TRIP10: variants seen among roughly 807,000 people sequenced by gnomAD.
The protein encoded by TRIP10 is thyroid hormone receptor interactor 10.
A neutral mutation model predicts 80.9 loss-of-function variants in TRIP10; 54 were observed. The ratio of observed to expected loss-of-function variants is 0.67; its 90% CI spans 0.54 to 0.84. The LOEUF is 0.84. Ranked by LOEUF, TRIP10 falls within the 40% of genes least tolerant of loss-of-function variation. The pLI, the probability that TRIP10 is intolerant of heterozygous loss-of-function variation, is 0.00. For missense variants in TRIP10, 773 were observed against 815.3 expected, an observed-to-expected ratio of 0.95 and a Z score of 0.63; for synonymous variants, 321 against 307.2, an observed-to-expected ratio of 1.04 and a Z score of -0.47.
Position 6,750,375 on chromosome 19 carries a change from C to G in TRIP10, c.1479C>G (p.Pro493=), listed in dbSNP as rs75725110. The G allele has an allele frequency of 1.3e-4, 205 of 1,614,012 alleles. 1 individual carries two copies. In the East Asian group the frequency reaches 2.5e-3, roughly 19 times the overall value. The change falls in exon 13 of 15, where the codon CCC becomes CCG. Residue 493 remains proline, a synonymous_variant. Transcript: ENST00000313244. ...LSRHARPPDP[P]ASAPPDSSSN... ...GGCACGCCCGGCCTCCCGACCCCCC[C>G]GCTAGCGCCCCGCCAGACAGCAGCA...
rs3841541 is a variant in TRIP10 at position 6,745,148 on chromosome 19, G to GGCAGT, written c.984+154_984+155insGCAGT. On this transcript the variant is annotated intron_variant, in intron 9 of 14. Transcript: ENST00000313244. This position sits in a 1 kb window ranked among gnomAD's most constrained non-coding sequence, Gnocchi z 7.2. ...GCCCGGACTGGAGGGAAGGAAGGCG[G>GGCAGT]CCGATTGGCCTGGGAGTCCCCCGAG... is the stretch of plus-strand genomic sequence containing the variant. 4.4e-4 allele frequency: 501 copies of GGCAGT among 1,128,438 alleles called. No homozygotes were observed. The African/African-American group carries it at 7.3e-3, about 17-fold the overall frequency. The allele number at this position is 1,128,438 out of a possible 1,614,324, so 69.9% of individuals were successfully genotyped here.
chr19:6,745,136 G>GC lies in TRIP10; in HGVS notation c.984+142_984+143insC. The GC allele has an allele frequency of 2.5e-6, 3 of 1,195,784 alleles. No homozygotes were observed. In the East Asian group the frequency reaches 8.0e-5, roughly 32 times the overall value. The allele number at this position is 1,195,784 out of a possible 1,614,324, so 74.1% of individuals were successfully genotyped here. A position where few individuals can be genotyped will look rare whatever the true frequency, so the allele number is the denominator to read the frequency against. On this transcript the variant is annotated intron_variant, in intron 9 of 14. Coordinates refer to ENST00000313244, the MANE Select transcript of TRIP10 (RefSeq NM_001288962.2). The surrounding 1 kb of genome is among the most constrained non-coding windows in gnomAD (Gnocchi z 7.2). Reference sequence around the variant, plus strand: ...TCTTGGCTGCCAGCCCGGACTGGAGGGAAGGAAGGCGGCCGATTGGCCTGG... The same window carrying GC: ...TCTTGGCTGCCAGCCCGGACTGGAGGCGAAGGAAGGCGGCCGATTGGCCTGG...
intron 14 of TRIP10, 60 bp downstream of exon 14, chr19:6,750,693 A>G: frequency 6.3e-7 from 1 of 1,599,358 alleles, no homozygotes; most frequent in South Asian, 1.1e-5. Context: ...GGCTAGGTTC[A>G]GTTTAAATTC....
chr19:6,750,079 C>T lies in TRIP10; in HGVS notation c.1395+13C>T, dbSNP rs924772145. Reference sequence around the variant, plus strand: ...GCAGAAGTATGAGGTCAGGAAAGACCCTGGGGAGGGGCGGGAGCCAGCGGG... The same window carrying T: ...GCAGAAGTATGAGGTCAGGAAAGACTCTGGGGAGGGGCGGGAGCCAGCGGG... On this transcript the variant is annotated intron_variant, in intron 12 of 14. Transcript: ENST00000313244. The T allele has an allele frequency of 6.4e-7, 1 of 1,554,228 alleles. No homozygotes were observed. The highest frequency in any genetic ancestry group is 1.7e-5 in the Admixed American group (1 of 57,930).
chr19:6,745,906 CT>C lies in TRIP10; in HGVS notation c.985-116del. The C allele has an allele frequency of 1.3e-5, 16 of 1,258,160 alleles. No homozygotes were observed. Among genetic ancestry groups the C allele is most frequent in the South Asian group, 1.2e-4 (4 of 32,406 alleles). The allele number at this position is 1,258,160 out of a possible 1,614,324, so 77.9% of individuals were successfully genotyped here. A position where few individuals can be genotyped will look rare whatever the true frequency, so the allele number is the denominator to read the frequency against. On this transcript the variant is annotated intron_variant, in intron 9 of 14. Transcript: ENST00000313244. This position sits in a 1 kb window ranked among gnomAD's most constrained non-coding sequence, Gnocchi z 7.2. The stretch of plus-strand genomic sequence containing the variant: ...TTCTCCATTTTGTTTTTCCTTTTTC[CT>C]TTTTTTGCGTCCATCCGTCCATCCG...
rs780009125 is a variant in TRIP10, at chr19:6,743,513, G to C, written c.428G>C (p.Arg143Pro). The C allele has an allele frequency of 6.2e-7, 1 of 1,613,696 alleles. No homozygotes were observed. Among genetic ancestry groups the C allele is most frequent in the South Asian group, 1.1e-5 (1 of 91,062 alleles). Residue 143 changes from arginine (R) to proline (P), a missense_variant, in exon 6 of 15, where the codon CGG (arginine) becomes CCG (proline). By Grantham distance (103) the Arg-to-Pro change is moderately radical. Coordinates refer to ENST00000313244, the MANE Select transcript of TRIP10 (RefSeq NM_001288962.2). ...QLENSKRKFE[R>P]DCREAEKAAQ... Reference sequence around the variant, plus strand: ...ACACAGAGTAAGCGTAAATTTGAGCGGGACTGCCGGGAGGCAGAGAAGGCA... The same window carrying C: ...ACACAGAGTAAGCGTAAATTTGAGCCGGACTGCCGGGAGGCAGAGAAGGCA...
At position 6,750,326 on chromosome 19, in the gene TRIP10, G is replaced by A; in HGVS notation, c.1430G>A (p.Ser477Asn). 1 of 1,614,066 alleles carries A rather than the reference G, an allele frequency of 6.2e-7. No individual in the cohort carries two copies. The highest frequency in any genetic ancestry group is 8.5e-7 in the Non-Finnish European group (1 of 1,180,012). Residue 477 changes from serine (S) to asparagine (N), a missense_variant, in exon 13 of 15, where the codon AGC (serine) becomes AAC (asparagine). Ser to Asn is a conservative substitution (Grantham distance 46). Coordinates refer to ENST00000313244, the MANE Select transcript of TRIP10 (RefSeq NM_001288962.2). ...GCAGAAGCTGAAAGTCGAGTCCTTAGCAACCGGGGAGACAGCCTGAGCCGG... is the reference window on the plus strand; with the variant it reads ...GCAGAAGCTGAAAGTCGAGTCCTTAACAACCGGGGAGACAGCCTGAGCCGG... Reference protein sequence around the residue: ...WLAEAESRVLSNRGDSLSRHA... With the variant: ...WLAEAESRVLNNRGDSLSRHA...
chr19:6,751,141 C>G lies in TRIP10; in HGVS notation c.1736C>G (p.Thr579Ser), dbSNP rs769541141. 1.2e-6 allele frequency: 2 copies of G among 1,613,016 alleles called. No homozygotes were observed. The highest frequency in any genetic ancestry group is 4.5e-5 in the East Asian group (2 of 44,794). The change falls in exon 15 of 15, where the codon ACC becomes AGC. Residue 579 changes from threonine to serine, a missense_variant. Coordinates refer to ENST00000313244, the MANE Select transcript of TRIP10 (RefSeq NM_001288962.2). ...LMEEDKGDGWTRVRRKEGGEG... is the reference protein window; with the variant it reads ...LMEEDKGDGWSRVRRKEGGEG... ...GAAGAAGACAAAGGGGACGGCTGGA[C>G]CCGGGTCAGGCGGAAAGAGGGAGGC...
In TRIP10 at chr19:6,744,734, G is replaced by A. The variant is rs768997817; in HGVS notation, c.789+34G>A. 6.3e-7 allele frequency: 1 copy of A among 1,591,534 alleles called. No homozygotes were observed. The highest frequency in any genetic ancestry group is 8.6e-7 in the Non-Finnish European group (1 of 1,167,632). ...CTGGTCTGGGTCCACTGGGCTACGGGAAGGGCAGAGGGAGGTACCCATAGG... is the reference window on the plus strand; with the variant it reads ...CTGGTCTGGGTCCACTGGGCTACGGAAAGGGCAGAGGGAGGTACCCATAGG... On this transcript the variant is annotated intron_variant, in intron 8 of 14. Coordinates refer to ENST00000313244, the MANE Select transcript of TRIP10 (RefSeq NM_001288962.2). This position sits in a 1 kb window ranked among gnomAD's most constrained non-coding sequence, Gnocchi z 4.9.
chr19:6,747,249 G>A (rs1195289415), intron 11 of TRIP10, among the ~76,000 whole-genome samples: 2 of 152,124 alleles, frequency 1.3e-5, no homozygotes, highest in Admixed American at 6.5e-5. Context: ...GCTTAAGCCT[G>A]GGAAATGGAG....
intron 1 of TRIP10, among the ~76,000 whole-genome samples, chr19:6,740,312 T>TC (rs371796499): frequency 6.0e-4 from 91 of 152,064 alleles, no homozygotes; most frequent in African/African-American, 2.0e-3. Context: ...CTCCCTGGCT[T>TC]CCCCCTGCTC....
At position 6,749,976 on chromosome 19, in the gene TRIP10, T is replaced by G. The variant is rs1454886165; in HGVS notation, c.1305T>G (p.Pro435=). The G allele has an allele frequency of 6.2e-7, 1 of 1,613,950 alleles. No individual in the cohort carries two copies. The highest frequency in any genetic ancestry group is 1.7e-5 in the Admixed American group (1 of 59,998). ...TGAAGGATGTCTATGAGAAGACACC[T>G]CAGATGGGGGACCCCGCCAGCTTGG... ...KKMKDVYEKT[P]QMGDPASLEP... Residue 435 remains proline, a synonymous_variant, in exon 12 of 15, where the codon CCT becomes CCG. Transcript: ENST00000313244.
At position 6,746,000 on chromosome 19, in the gene TRIP10, C is replaced by A; in HGVS notation, c.985-29C>A. The A allele has an allele frequency of 3.2e-6, 3 of 951,924 alleles. No individual in the cohort carries two copies. Among genetic ancestry groups the A allele is most frequent in the Non-Finnish European group, 4.1e-6 (3 of 740,616 alleles). The allele number at this position is 951,924 out of a possible 1,614,324, so 59.0% of individuals were successfully genotyped here. A position where few individuals can be genotyped will look rare whatever the true frequency, so the allele number is the denominator to read the frequency against. On this transcript the variant is annotated intron_variant, in intron 9 of 14. Coordinates refer to ENST00000313244, the MANE Select transcript of TRIP10 (RefSeq NM_001288962.2). The surrounding 1 kb of genome is among the most constrained non-coding windows in gnomAD (Gnocchi z 7.2). ...TCCTATGCCCCCCCACCCCTTCAAC[C>A]TATCCCCCTCCCCGGCCCCCGCCGG...
At chr19:6,741,960 G>A (rs1248984222) in intron 3 of TRIP10, among the ~76,000 whole-genome samples, 6 of 151,956 alleles carry the variant, frequency 3.9e-5, no homozygotes, top group Non-Finnish European at 8.8e-5. Flanking sequence ...TGGGATTACA[G>A]TCACCTGCCA....
chr19:6,749,928 T>C lies in TRIP10; in HGVS notation c.1263-6T>C. ...TTTCCTGTCTATCCTGTCTCCCTTG[T>C]CATAGGGAAGCCCTAAAGAAAATGA... On this transcript the variant is annotated splice_region_variant and splice_polypyrimidine_tract_variant and intron_variant, in intron 11 of 14. Coordinates refer to ENST00000313244, the MANE Select transcript of TRIP10 (RefSeq NM_001288962.2). The C allele has an allele frequency of 1.2e-6, 2 of 1,613,214 alleles. No individual in the cohort carries two copies. Among genetic ancestry groups the C allele is most frequent in the South Asian group, 2.2e-5 (2 of 91,002 alleles).
At position 6,744,432 on chromosome 19, in the gene TRIP10, C is replaced by T; in HGVS notation, c.643-122C>T. On this transcript the variant is annotated intron_variant, in intron 7 of 14. Coordinates refer to ENST00000313244, the MANE Select transcript of TRIP10 (RefSeq NM_001288962.2). This position sits in a 1 kb window ranked among gnomAD's most constrained non-coding sequence, Gnocchi z 4.9. The stretch of plus-strand genomic sequence containing the variant: ...GAGTCTCTCTTCCCGACTCTGTCTT[C>T]CCCTCCAGACTGGCTTGGGGCTGGG... The T allele has an allele frequency of 7.2e-7, 1 of 1,394,536 alleles. No individual in the cohort carries two copies. The highest frequency in any genetic ancestry group is 9.9e-7 in the Non-Finnish European group (1 of 1,014,354). 86.4% of individuals were successfully genotyped at this position (1,394,536 alleles called of 1,614,324 possible).
At position 6,745,215 on chromosome 19, in the gene TRIP10, C is replaced by T. The variant is rs1219312745; in HGVS notation, c.984+221C>T. The T allele has an allele frequency of 1.2e-5, 7 of 597,600 alleles. No individual in the cohort carries two copies. Among genetic ancestry groups the T allele is most frequent in the South Asian group, 2.4e-5 (1 of 42,170 alleles). 37.0% of individuals were successfully genotyped at this position (597,600 alleles called of 1,614,324 possible). On this transcript the variant is annotated intron_variant, in intron 9 of 14. Coordinates refer to ENST00000313244, the MANE Select transcript of TRIP10 (RefSeq NM_001288962.2). The surrounding 1 kb of genome is among the most constrained non-coding windows in gnomAD (Gnocchi z 7.2). ...GGTGGGGAGGTGGGGAGGTCCGTGG[C>T]GTTTGTCTGCTGCTTCTCGGGATGC...
Position 6,751,303 on chromosome 19 carries a change from T to A in TRIP10, c.*92T>A, listed in dbSNP as rs1369313105. 1 of 1,590,098 alleles carries A rather than the reference T, an allele frequency of 6.3e-7. No individual in the cohort carries two copies. Among genetic ancestry groups the A allele is most frequent in the African/African-American group, 1.3e-5 (1 of 74,480 alleles). ...CCTATGCACTTTATTTCTGACCCCG[T>A]GGCTTCGGCTGAGACCTGTGTAACC... On this transcript the variant is annotated 3_prime_UTR_variant, in exon 15 of 15. Coordinates refer to ENST00000313244, the MANE Select transcript of TRIP10 (RefSeq NM_001288962.2).
rs570469259 is a variant in TRIP10, at chr19:6,743,420, C to T, written c.409-74C>T. On this transcript the variant is annotated intron_variant, in intron 5 of 14. Transcript: ENST00000313244. ...CTTACTGGATGACATCCCAATAATC[C>T]CTGAAACCTTGGTTTCCCACCCTGC... The T allele has an allele frequency of 7.4e-5, 116 of 1,567,898 alleles. No homozygotes were observed. The East Asian group carries it at 2.5e-3, about 34-fold the overall frequency.
Sources: gnomAD v4.1 joint callset for allele counts (sites outside exome capture counted in the v4.1 genomes callset) on GRCh38, gnomAD v4.1.1 for gene constraint, Gnocchi (gnomAD v3.1) non-coding constraint, MANE v1.5 for transcripts, NCBI Gene and HGNC (gene_info 2026-07-23, HGNC 2026-07-21) for gene names.